Variants in EIF2AK2 observed in about 807,000 individuals in gnomAD.
EIF2AK2 encodes the protein interferon-induced, double-stranded RNA-activated protein kinase.
In EIF2AK2, 40 loss-of-function variants were observed where a neutral mutation model predicts 70.5. The observed-to-expected ratio is 0.57, with a 90% CI of 0.44 to 0.74. The LOEUF is 0.74. EIF2AK2 is among the 30% of genes least tolerant of loss of function. EIF2AK2 has a pLI of 0.00. For synonymous variants in EIF2AK2, 198 were observed against 220.9 expected, an observed-to-expected ratio of 0.90 and a Z score of 0.92; for missense variants, 555 against 644.3, an observed-to-expected ratio of 0.86 and a Z score of 1.50.
In EIF2AK2 at chr2:37,102,400, TATGA is replaced by T. The variant is rs1572991014; in HGVS notation, c.*4869_*4872del. ...GTGTATGTTTGAACATAAAGAAATG[TATGA>T]ATAATATTGAAATTATTCAATATTC... On this transcript the variant is annotated 3_prime_UTR_variant, in exon 17 of 17. Transcript: ENST00000233057. The T allele has an allele frequency of 6.6e-6, 1 of 152,162 alleles. No individual in the cohort carries two copies. Among genetic ancestry groups the T allele is most frequent in the African/African-American group, 2.4e-5 (1 of 41,440 alleles). 9.4% of individuals were successfully genotyped at this position (152,162 alleles called of 1,614,324 possible).
chr2:37,114,597 G>T, intron 14 of EIF2AK2, 134 bp downstream of exon 14: 1 of 628,780 alleles, frequency 1.6e-6, no homozygotes, highest in Non-Finnish European at 2.3e-6. Context: ...GAAGAATAGG[G>T]GTAGAAAAGA....
intron 13 of EIF2AK2, among the ~76,000 whole-genome samples, chr2:37,119,203 A>G (rs1674447986): frequency 6.6e-6 from 1 of 152,206 alleles, no homozygotes; most frequent in African/African-American, 2.4e-5. Context: ...CCGGACCATA[A>G]AAGCCAGAGG....
Position 37,151,874 on chromosome 2 carries a change from C to T in EIF2AK2, c.-183-2851G>A, listed in dbSNP as rs188926920. Among the ~76,000 whole-genome samples, 940 of 152,290 alleles carry T rather than the reference C, an allele frequency of 6.2e-3. 7 individuals carry two copies. Among genetic ancestry groups the T allele is most frequent in the Non-Finnish European group, 9.2e-3 (626 of 68,018 alleles). Reference sequence around the variant, plus strand: ...CGGGCGGATCACGAGGTCAGGAGATCGAGACCACGGTGAAACCTCGTCTCC... The same window carrying T: ...CGGGCGGATCACGAGGTCAGGAGATTGAGACCACGGTGAAACCTCGTCTCC... On this transcript the variant is annotated intron_variant, in intron 1 of 16. Coordinates refer to ENST00000233057, the MANE Select transcript of EIF2AK2 (RefSeq NM_001135651.3).
At chr2:37,116,031 G>C (rs1674329027) in intron 13 of EIF2AK2, among the ~76,000 whole-genome samples, 1 of 151,920 alleles carries the variant, frequency 6.6e-6, no homozygotes, top group Non-Finnish European at 1.5e-5. Flanking sequence ...CGAGGAGCTG[G>C]GATTACAGGC....
intron 1 of EIF2AK2, among the ~76,000 whole-genome samples, chr2:37,151,267 T>C (rs760937151): frequency 1.3e-5 from 2 of 151,686 alleles, no homozygotes; most frequent in South Asian, 2.1e-4. Context: ...ACCACCCAAT[T>C]AAAAAAATAG....
intron 13 of EIF2AK2, chr2:37,115,339 G>C (rs1284401917): frequency 6.6e-6 from 1 of 152,620 alleles, no homozygotes; most frequent in Non-Finnish European, 1.4e-5. Flanking sequence ...TGGGATTACA[G>C]GCATGAGCCA....
intron 11 of EIF2AK2, among the ~76,000 whole-genome samples, chr2:37,124,511 G>A (rs1674666379): frequency 6.6e-6 from 1 of 152,032 alleles, no homozygotes; most frequent in South Asian, 2.1e-4. Context: ...TGCCTGTCTT[G>A]GCCTCCCAAA....
At position 37,106,462 on chromosome 2, in the gene EIF2AK2, T is replaced by G. The variant is rs1356307398; in HGVS notation, c.*811A>C. On this transcript the variant is annotated 3_prime_UTR_variant, in exon 17 of 17. Transcript: ENST00000233057. ...TATTATAAACAGGGTTTTATGGACA[T>G]TCTTGTAAGCACGTATGTAGGAATA... 1 of 152,162 alleles carries G rather than the reference T, an allele frequency of 6.6e-6. No homozygotes were observed. The highest frequency in any genetic ancestry group is 1.9e-4 in the East Asian group (1 of 5,194). 9.4% of individuals were successfully genotyped at this position (152,162 alleles called of 1,614,324 possible).
chr2:37,153,337 CTTT>C (rs1553340565), intron 1 of EIF2AK2, among the ~76,000 whole-genome samples: 8 of 109,854 alleles, frequency 7.3e-5, no homozygotes, highest in Admixed American at 1.0e-4. Flanking sequence ...CTCTGCTAAT[CTTT>C]TTTTTTTTTT....
At chr2:37,124,155 A>T (rs1258408665) in intron 11 of EIF2AK2, among the ~76,000 whole-genome samples, 1 of 151,890 alleles carries the variant, frequency 6.6e-6, no homozygotes, top group Non-Finnish European at 1.5e-5. Flanking sequence ...TTTTGTAGAG[A>T]CAGGGTTTCT....
chr2:37,135,536 G>A lies in EIF2AK2; in HGVS notation c.733C>T (p.Pro245Ser), dbSNP rs769618672. The A allele has an allele frequency of 1.2e-6, 2 of 1,608,672 alleles. No homozygotes were observed. The highest frequency in any genetic ancestry group is 1.7e-6 in the Non-Finnish European group (2 of 1,177,474). ...TTCATGTCAGGAAGGTCAAATCTGG[G>A]TGCCAAAGATCTAAAAATTAAGAGT... is the stretch of plus-strand genomic sequence containing the variant. ...NQRKAKRSLA[P>S]RFDLPDMKET... Residue 245 changes from proline (P) to serine (S), a missense_variant, in exon 10 of 17, where the codon CCC becomes TCC. This residue lies in a region of EIF2AK2 where 299 missense variants were observed against 375.4 expected (regional missense o/e 0.80). Transcript: ENST00000233057.
rs546074837 is a variant in EIF2AK2, at chr2:37,101,951, A to C, written c.*5322T>G. 1 of 152,350 alleles carries C rather than the reference A, an allele frequency of 6.6e-6. No individual in the cohort carries two copies. Among genetic ancestry groups the C allele is most frequent in the African/African-American group, 2.4e-5 (1 of 41,578 alleles). 9.4% of individuals were successfully genotyped at this position (152,350 alleles called of 1,614,324 possible). A position where few individuals can be genotyped will look rare whatever the true frequency, so the allele number is the denominator to read the frequency against. On this transcript the variant is annotated 3_prime_UTR_variant, in exon 17 of 17. Transcript: ENST00000233057. ...TGCAATGATGTAACACCTGAGATTT[A>C]CTTTAAAATATTCCAGTAGGGCCGG... is the stretch of plus-strand genomic sequence containing the variant.
intron 13 of EIF2AK2, among the ~76,000 whole-genome samples, chr2:37,115,937 C>T (rs2148670891): frequency 6.6e-6 from 1 of 152,208 alleles, no homozygotes; most frequent in South Asian, 2.1e-4. Flanking sequence ...CGCTCTGTCA[C>T]CCAGGATGGA....
intron 5 of EIF2AK2, among the ~76,000 whole-genome samples, chr2:37,140,473 T>A (rs558798432): frequency 3.5e-4 from 54 of 152,318 alleles, no homozygotes; most frequent in African/African-American, 1.3e-3. Context: ...TTTTGCTTTA[T>A]GTTTCTGTTG....
intron 13 of EIF2AK2, among the ~76,000 whole-genome samples, 176 bp downstream of exon 13, chr2:37,119,783 G>C (rs192922646): frequency 6.6e-6 from 1 of 151,636 alleles, no homozygotes; most frequent in Non-Finnish European, 1.5e-5. Flanking sequence ...GTAGAGACAC[G>C]GTTTCACCAT....
intron 9 of EIF2AK2, 113 bp from the exon 10 acceptor site, chr2:37,135,659 C>T: frequency 1.1e-6 from 1 of 900,886 alleles, no homozygotes. Flanking sequence ...GGCAAGGTCT[C>T]ACCCCATCTC....
intron 9 of EIF2AK2, among the ~76,000 whole-genome samples, chr2:37,136,333 G>T (rs562266899): frequency 6.6e-6 from 1 of 152,164 alleles, no homozygotes; most frequent in South Asian, 2.1e-4. Context: ...TCAGCTACGG[G>T]GAACCTATTC....
intron 11 of EIF2AK2, among the ~76,000 whole-genome samples, chr2:37,123,729 A>T (rs1217690942): frequency 6.6e-6 from 1 of 152,202 alleles, no homozygotes; most frequent in Non-Finnish European, 1.5e-5. Context: ...AATATACACA[A>T]AGAGGATAAC....
chr2:37,114,556 TTATC>T (rs1212926831), intron 14 of EIF2AK2, among the ~76,000 whole-genome samples, 171 bp downstream of exon 14: 1 of 152,014 alleles, frequency 6.6e-6, no homozygotes, highest in Non-Finnish European at 1.5e-5. Flanking sequence ...ACTCAGAAAA[TTATC>T]TAAAAGGATA....
Sources: allele counts gnomAD v4.1 joint callset (sites outside exome capture counted in the v4.1 genomes callset), GRCh38; gene constraint gnomAD v4.1.1; regional missense constraint gnomAD v4.1.1; transcripts MANE v1.5; gene names NCBI Gene and HGNC (gene_info 2026-07-23, HGNC 2026-07-21).